Variants in NADSYN1 observed in about 807,000 individuals in gnomAD.
NADSYN1 encodes the protein glutamine-dependent NAD(+) synthetase.
In NADSYN1, 80 loss-of-function variants were observed where a neutral mutation model predicts 99.3. The observed-to-expected ratio is 0.81, with a 90% CI of 0.67 to 0.97. The LOEUF (loss-of-function observed/expected upper bound fraction) is 0.97. Ranked by LOEUF, NADSYN1 falls within the 50% of genes least tolerant of loss-of-function variation. The pLI is 0.00. For synonymous variants in NADSYN1, 385 were observed against 372.1 expected (o/e 1.03, Z -0.40); for missense variants, 859 against 948.5 (o/e 0.91, Z 1.24).
intron 1 of NADSYN1, among the ~76,000 whole-genome samples, chr11:71,454,315 G>A (rs960584699): frequency 1.3e-5 from 2 of 152,158 alleles, no homozygotes; most frequent in African/African-American, 2.4e-5. Flanking sequence ...GGGCTCAAGC[G>A]ATTCTCCTGC....
chr11:71,493,632 T>C (rs1949799126), intron 18 of NADSYN1, among the ~76,000 whole-genome samples: 1 of 152,006 alleles, frequency 6.6e-6, no homozygotes, highest in African/African-American at 2.4e-5. Context: ...TAAGAAAAAA[T>C]ATTTTTATAA....
chr11:71,489,743 A>T (rs939590339), intron 16 of NADSYN1, among the ~76,000 whole-genome samples: 2 of 152,224 alleles, frequency 1.3e-5, no homozygotes, highest in African/African-American at 4.8e-5. Context: ...ACATTGCACC[A>T]CAGTGAGGGT....
intron 18 of NADSYN1, among the ~76,000 whole-genome samples, chr11:71,493,080 G>A (rs1949794438): frequency 1.3e-5 from 2 of 152,018 alleles, no homozygotes. Context: ...AGTAGAGATG[G>A]GGTTCCACCA....
At chr11:71,492,002 C>T in intron 18 of NADSYN1, 99 bp downstream of exon 18, 6 of 1,032,986 alleles carry the variant, frequency 5.8e-6, no homozygotes, top group Non-Finnish European at 6.8e-6. Flanking sequence ...CCCAGGACAG[C>T]TGCATCGCTG....
chr11:71,458,501 G>C lies in NADSYN1; in HGVS notation c.220G>C (p.Val74Leu), dbSNP rs2276360. 1,102,911 of 1,612,740 alleles carry C rather than the reference G, an allele frequency of 0.68. 400,882 individuals are homozygous for C. The highest frequency in any genetic ancestry group is 0.77 in the Non-Finnish European group (907,719 of 1,179,072). The change falls in exon 3 of 21, where the codon GTG becomes CTG. Residue 74 changes from valine to leucine, a missense_variant. By Grantham distance (32) the Val-to-Leu change is conservative. Transcript: ENST00000319023. Reference protein sequence around the residue: ...LHSFQVLAALVESPVTQDIIC... With the variant: ...LHSFQVLAALLESPVTQDIIC... Reference sequence around the variant, plus strand: ...CTCGTTTCAAGTCCTAGCGGCCCTTGTGGAGTCTCCCGTCACTCAGGACAT... The same window carrying C: ...CTCGTTTCAAGTCCTAGCGGCCCTTCTGGAGTCTCCCGTCACTCAGGACAT...
chr11:71,477,406 G>C, intron 9 of NADSYN1: 1 of 1,289,762 alleles, frequency 7.8e-7, no homozygotes, highest in Non-Finnish European at 1.0e-6. Flanking sequence ...TGCGTGAATC[G>C]GTCTCCTTGT....
At chr11:71,474,573 A>C (rs1949651891) in intron 9 of NADSYN1, 47 bp downstream of exon 9, 2 of 1,612,210 alleles carry the variant, frequency 1.2e-6, no homozygotes, top group Admixed American at 1.7e-5. Context: ...CTCTGTGCAG[A>C]GACCGAGCTC....
chr11:71,463,183 A>C (rs931828082), intron 3 of NADSYN1, among the ~76,000 whole-genome samples: 2 of 152,156 alleles, frequency 1.3e-5, no homozygotes, highest in Admixed American at 1.3e-4. Context: ...TGGTGGAATG[A>C]ATTTGCCCTT....
chr11:71,501,182 C>A (rs1190511694), intron 20 of NADSYN1, 120 bp from the exon 21 acceptor site: 6 of 914,482 alleles, frequency 6.6e-6, no homozygotes, highest in Non-Finnish European at 9.4e-6. Context: ...CTGGTGGGGA[C>A]TCTGGTAATT....
intron 20 of NADSYN1, chr11:71,498,757 G>A (rs1949837625): frequency 4.7e-6 from 2 of 428,796 alleles, no homozygotes; most frequent in Admixed American, 4.0e-5. Context: ...ATTTCGATAT[G>A]TGTGTCACAG....
rs781265195 is a variant in NADSYN1, at chr11:71,484,432, G to A, written c.1440G>A (p.Ala480=). The A allele has an allele frequency of 1.9e-5, 30 of 1,613,728 alleles. No individual in the cohort carries two copies. The highest frequency in any genetic ancestry group is 6.6e-5 in the South Asian group (6 of 91,064). The change falls in exon 15 of 21, where the codon GCG becomes GCA. Residue 480 remains alanine (A), a synonymous_variant. Coordinates refer to ENST00000319023, the MANE Select transcript of NADSYN1 (RefSeq NM_018161.5). ...GAGGAAGCAGCAGGGAAAACCTGGC[G>A]CTGCAAAATGTGCAGGTGCCCCCGC... ...AHGGSSRENL[A]LQNVQARIRM... is the part of the protein sequence containing the mutation.
rs571283339 is a variant in NADSYN1 at position 71,453,244 on chromosome 11, A to G, written c.-53A>G. 1 of 1,534,772 alleles carries G rather than the reference A, an allele frequency of 6.5e-7. No homozygotes were observed. The highest frequency in any genetic ancestry group is 2.3e-5 in the East Asian group (1 of 43,466). Reference sequence around the variant, plus strand: ...CGTCCCAGCCGCCTACCTCGCTGGGACCCTGGTCTTGCTGTCCCCCGCTGG... The same window carrying G: ...CGTCCCAGCCGCCTACCTCGCTGGGGCCCTGGTCTTGCTGTCCCCCGCTGG... On this transcript the variant is annotated 5_prime_UTR_variant, in exon 1 of 21. Coordinates refer to ENST00000319023, the MANE Select transcript of NADSYN1 (RefSeq NM_018161.5).
chr11:71,465,084 C>T (rs1402436522), intron 5 of NADSYN1, among the ~76,000 whole-genome samples: 2 of 151,894 alleles, frequency 1.3e-5, no homozygotes, highest in Admixed American at 6.6e-5. Flanking sequence ...AAGTATGTTA[C>T]AATATCGCAA....
At position 71,455,322 on chromosome 11, in the gene NADSYN1, C is replaced by T; in HGVS notation, c.146+152C>T. The T allele has an allele frequency of 8.1e-6, 5 of 619,426 alleles. No homozygotes were observed. The South Asian group carries it at 8.4e-5, about 10-fold the overall frequency. 38.4% of individuals were successfully genotyped at this position (619,426 alleles called of 1,614,324 possible). On this transcript the variant is annotated intron_variant, in intron 2 of 20. Transcript: ENST00000319023. ...GGGCCTGGTTAATGCCATTGAACACCTGAGCAAGGGCAGGCCCAGGGAGGC... is the reference window on the plus strand; with the variant it reads ...GGGCCTGGTTAATGCCATTGAACACTTGAGCAAGGGCAGGCCCAGGGAGGC...
chr11:71,487,846 AAAAAGAAAAG>A (rs1285880827), intron 16 of NADSYN1, among the ~76,000 whole-genome samples: 2 of 148,608 alleles, frequency 1.3e-5, no homozygotes, highest in African/African-American at 5.0e-5. Context: ...AAAAAAAAAA[AAAAAGAAAAG>A]AAAAGAAAAT....
intron 5 of NADSYN1, among the ~76,000 whole-genome samples, chr11:71,469,371 G>C (rs780860489): frequency 6.6e-6 from 1 of 152,168 alleles, no homozygotes; most frequent in Admixed American, 6.5e-5. Flanking sequence ...GCCAGGACCA[G>C]CTTGGTTGTG....
At chr11:71,476,195 A>G (rs1023540329) in intron 9 of NADSYN1, 2 of 440,484 alleles carry the variant, frequency 4.5e-6, no homozygotes, top group Middle Eastern at 3.9e-4. Context: ...TGCCTCCCAC[A>G]CACAGCATTG....
At position 71,482,864 on chromosome 11, in the gene NADSYN1, C is replaced by T. The variant is rs1225061342; in HGVS notation, c.1166C>T (p.Ala389Val). 14 of 1,612,440 alleles carry T rather than the reference C, an allele frequency of 8.7e-6. No individual in the cohort carries two copies. The highest frequency in any genetic ancestry group is 1.1e-5 in the South Asian group (1 of 91,042). Residue 389 changes from alanine to valine, a missense_variant, in exon 14 of 21, where the codon GCT becomes GTT. Transcript: ENST00000319023. ...TGGTTTTCAGATGAGGAAGTGCTGGCTGATGTCCGCACCATCGTGAACCAG... is the reference window on the plus strand; with the variant it reads ...TGGTTTTCAGATGAGGAAGTGCTGGTTGATGTCCGCACCATCGTGAACCAG... ...AVRSGNEEVL[A>V]DVRTIVNQIS...
Position 71,482,902 on chromosome 11 carries a change from C to T in NADSYN1, c.1204C>T (p.Pro402Ser), listed in dbSNP as rs1175181778. Residue 402 changes from proline (P) to serine (S), a missense_variant, in exon 14 of 21, where the codon CCC becomes TCC. By Grantham distance (74) the Pro-to-Ser change is moderately conservative (BLOSUM62 -1). Coordinates refer to ENST00000319023, the MANE Select transcript of NADSYN1 (RefSeq NM_018161.5). ...RTIVNQISYT[P>S]QDPRDLCGRI... Reference sequence around the variant, plus strand: ...CATCGTGAACCAGATCAGCTACACCCCCCAGGATCCCCGAGACCTCTGTGG... The same window carrying T: ...CATCGTGAACCAGATCAGCTACACCTCCCAGGATCCCCGAGACCTCTGTGG... 6.2e-7 allele frequency: 1 copy of T among 1,613,240 alleles called. No homozygotes were observed. Among genetic ancestry groups the T allele is most frequent in the African/African-American group, 1.3e-5 (1 of 74,958 alleles).
Sources: allele counts gnomAD v4.1 joint callset (sites outside exome capture counted in the v4.1 genomes callset), GRCh38; gene constraint gnomAD v4.1.1; transcripts MANE v1.5; gene names NCBI Gene and HGNC (gene_info 2026-07-23, HGNC 2026-07-21).